The following DOCK11 variants were observed in gnomAD, a reference collection of about 807,000 sequenced individuals.
The protein encoded by DOCK11 is dedicator of cytokinesis protein 11.
In DOCK11, 70 loss-of-function variants were observed where a neutral mutation model predicts 169.1. The observed-to-expected ratio is 0.41, with a 90% confidence interval of 0.34 to 0.51. The LOEUF (loss-of-function observed/expected upper bound fraction) is 0.51, where lower values mean the gene tolerates loss of function less well. Among genes scored for constraint, DOCK11 ranks in the 20% least tolerant of loss-of-function variants. DOCK11 has a pLI of 0.10. For synonymous variants in DOCK11, 529 were observed against 541.3 expected (o/e 0.98, Z 0.32); for missense variants, 1,166 against 1,538.8 (o/e 0.76, Z 4.05).
chrX:118,496,363 G>C (rs775442973), intron 1 of DOCK11, among the ~76,000 whole-genome samples: 1 of 112,128 alleles, frequency 8.9e-6, no homozygotes, highest in Non-Finnish European at 1.9e-5. Context: ...TCCCACCCAG[G>C]GTCGGGGCCG....
At position 118,681,682 on chromosome X, in the gene DOCK11, A is replaced by G. The variant is rs772599240; in HGVS notation, c.5863-12A>G. 35 of 1,118,808 alleles carry G rather than the reference A, an allele frequency of 3.1e-5. No individual in the cohort carries two copies. In the Admixed American group the frequency reaches 8.7e-4, roughly 28 times the overall value. The allele number at this position is 1,118,808 out of a possible 1,213,427, so 92.2% of individuals were successfully genotyped here. ...CTGGAAACACTCTCATTTTTCTTCT[A>G]TTGTGATATAGGTCAATGCTGGTCC... On this transcript the variant is annotated splice_polypyrimidine_tract_variant and intron_variant, in intron 50 of 52. Transcript: ENST00000276202.
intron 31 of DOCK11, among the ~76,000 whole-genome samples, chrX:118,621,780 C>T (rs764545348): frequency 3.6e-5 from 4 of 111,088 alleles, no homozygotes; most frequent in South Asian, 7.6e-4. Context: ...ATTACAGGCA[C>T]GCACTGCTAT....
Position 118,678,773 on chromosome X carries a change from G to A in DOCK11, c.5461-1709G>A, listed in dbSNP as rs186382331. Among the ~76,000 whole-genome samples, 5 of 106,951 alleles carry A rather than the reference G, an allele frequency of 4.7e-5. No homozygotes were observed. In the East Asian group the frequency reaches 9.0e-4, roughly 19 times the overall value. The allele number at this position is 106,951 out of a possible 115,157, so 92.9% of individuals were successfully genotyped here. A position where few individuals can be genotyped will look rare whatever the true frequency, so the allele number is the denominator to read the frequency against. ...CAGGCCTGAGCCACCACGCCTGGCC[G>A]CTTTTAATTTTTTTCGAGACAGGGT... On this transcript the variant is annotated intron_variant, in intron 48 of 52. Transcript: ENST00000276202.
intron 1 of DOCK11, among the ~76,000 whole-genome samples, chrX:118,527,020 C>T (rs764088553): frequency 4.5e-5 from 5 of 112,200 alleles, no homozygotes; most frequent in Middle Eastern, 4.6e-3. Flanking sequence ...CAGGAGGCCA[C>T]ATAATCACTC....
Position 118,496,023 on chromosome X carries a change from G to T in DOCK11, c.52G>T (p.Ala18Ser). 9.1e-7 allele frequency: 1 copy of T among 1,097,165 alleles called. No homozygotes were observed. Among genetic ancestry groups the T allele is most frequent in the Non-Finnish European group, 1.2e-6 (1 of 844,079 alleles). 90.4% of individuals were successfully genotyped at this position (1,097,165 alleles called of 1,213,427 possible). A position where few individuals can be genotyped will look rare whatever the true frequency, so the allele number is the denominator to read the frequency against. ...ACGGCTCAGCAAGCCTGGCACGGCGGCTGAGCTCCGGCAGAGCGTGTCTGA... is the reference window on the plus strand; with the variant it reads ...ACGGCTCAGCAAGCCTGGCACGGCGTCTGAGCTCCGGCAGAGCGTGTCTGA... ...TKRLSKPGTA[A>S]ELRQSVSEAV... Residue 18 changes from alanine (A) to serine (S), a missense_variant, in exon 1 of 53, where the codon GCT becomes TCT. By Grantham distance (99) the Ala-to-Ser change is moderately conservative (BLOSUM62 1). Transcript: ENST00000276202.
chrX:118,581,805 TAAAAAA>T (rs35095116), intron 14 of DOCK11, among the ~76,000 whole-genome samples: 3 of 12,744 alleles, frequency 2.4e-4, no homozygotes, highest in Admixed American at 1.2e-3. Context: ...CTCCGTCTCC[TAAAAAA>T]AAAAAAAAAA....
chrX:118,503,742 C>T (rs1399434033), intron 1 of DOCK11, among the ~76,000 whole-genome samples: 7 of 110,829 alleles, frequency 6.3e-5, no homozygotes, highest in East Asian at 2.8e-4. Context: ...GAAGAAGAGC[C>T]AGGAAAAGGC....
At chrX:118,594,881 G>T (rs746657446) in intron 20 of DOCK11, among the ~76,000 whole-genome samples, 72 of 110,433 alleles carry the variant, frequency 6.5e-4, no homozygotes, top group Admixed American at 1.3e-3. Context: ...GGATTATGGG[G>T]TGAAGGAACA....
chrX:118,675,952 A>G lies in DOCK11; in HGVS notation c.5216A>G (p.Tyr1739Cys). 10 of 1,173,233 alleles carry G rather than the reference A, an allele frequency of 8.5e-6. No homozygotes were observed. The highest frequency in any genetic ancestry group is 1.1e-5 in the Non-Finnish European group (10 of 874,627). Residue 1739 changes from tyrosine (Y) to cysteine (C), a missense_variant, in exon 47 of 53, where the codon TAT becomes TGT. Physicochemically the swap from Tyr to Cys is radical, Grantham distance 194. Transcript: ENST00000276202. ...ATTTTTCAGAAACTTACTCAAGTTT[A>G]TAGAACTCTTCATGGAGCTTACACA... Reference protein sequence around the residue: ...RREFEKLTQVYRTLHGAYTKI... With the variant: ...RREFEKLTQVCRTLHGAYTKI...
chrX:118,503,074 C>CTTTTTTTTTTTTTTT lies in DOCK11; in HGVS notation c.102+7003_102+7017dup, dbSNP rs767017269. Among the ~76,000 whole-genome samples, 3 of 90,789 alleles carry CTTTTTTTTTTTTTTT rather than the reference C, an allele frequency of 3.3e-5. 1 individual carries two copies. Among genetic ancestry groups the CTTTTTTTTTTTTTTT allele is most frequent in the Non-Finnish European group, 6.4e-5 (3 of 47,094 alleles). The allele number at this position is 90,789 out of a possible 115,157, so 78.8% of individuals were successfully genotyped here. A position where few individuals can be genotyped will look rare whatever the true frequency, so the allele number is the denominator to read the frequency against. On this transcript the variant is annotated intron_variant, in intron 1 of 52. Coordinates refer to ENST00000276202, the MANE Select transcript of DOCK11 (RefSeq NM_144658.4). Reference sequence around the variant, plus strand: ...TAGTTCTGGAGAGAGATAACAAAGGCTTTTTTTTTTTTTTTTGAAATGGAG... The same window carrying CTTTTTTTTTTTTTTT: ...TAGTTCTGGAGAGAGATAACAAAGGCTTTTTTTTTTTTTTTTTTTTTTTTTTTTTTTGAAATGGAG...
chrX:118,578,316 A>T (rs1219976837), intron 12 of DOCK11, among the ~76,000 whole-genome samples: 1 of 111,765 alleles, frequency 8.9e-6, no homozygotes, highest in Non-Finnish European at 1.9e-5. Context: ...AGACTAACAG[A>T]TGTGAGGTTG....
rs1378186421 is a variant in DOCK11 at position 118,630,453 on chromosome X, G to T, written c.3849G>T (p.Leu1283=). Residue 1283 remains leucine (L), a synonymous_variant, in exon 35 of 53, where the codon CTG becomes CTT. Transcript: ENST00000276202. Reference sequence around the variant, plus strand: ...ATCAGTATGAAATCAGAAGCCTCCTGATGTGCTACCTGTATATAGTAAAAA... The same window carrying T: ...ATCAGTATGAAATCAGAAGCCTCCTTATGTGCTACCTGTATATAGTAAAAA... The part of the protein sequence containing the change: ...RLDQYEIRSL[L]MCYLYIVKMI... The T allele has an allele frequency of 8.3e-7, 1 of 1,207,203 alleles. No individual in the cohort carries two copies. The highest frequency in any genetic ancestry group is 1.1e-6 in the Non-Finnish European group (1 of 891,788).
At chrX:118,569,999 T>C (rs1430184947) in intron 10 of DOCK11, among the ~76,000 whole-genome samples, 4 of 112,023 alleles carry the variant, frequency 3.6e-5, no homozygotes, top group Non-Finnish European at 3.8e-5. Context: ...TATGTCTGAG[T>C]TGTTTATCAG....
intron 35 of DOCK11, among the ~76,000 whole-genome samples, chrX:118,631,800 A>G (rs1474291922): frequency 9.0e-6 from 1 of 111,020 alleles, no homozygotes; most frequent in Non-Finnish European, 1.9e-5. Flanking sequence ...GGAAAGAGAG[A>G]GAAGGTAGGA....
At chrX:118,656,922 A>G (rs1018814720) in intron 44 of DOCK11, among the ~76,000 whole-genome samples, 3 of 111,483 alleles carry the variant, frequency 2.7e-5, no homozygotes, top group African/African-American at 9.7e-5. Context: ...ATGAGAACAA[A>G]ACTCCATCTA....
chrX:118,534,234 G>A (rs1442542551), intron 1 of DOCK11, among the ~76,000 whole-genome samples: 2 of 111,821 alleles, frequency 1.8e-5, no homozygotes, highest in East Asian at 5.6e-4. Flanking sequence ...GTAAAGTTTT[G>A]GCTAAATTGA....
chrX:118,553,346 T>A (rs746185171), intron 6 of DOCK11, among the ~76,000 whole-genome samples: 1 of 112,082 alleles, frequency 8.9e-6, no homozygotes, highest in East Asian at 2.8e-4. Context: ...AGGAATTTAA[T>A]CTTCAGGGTG....
intron 10 of DOCK11, among the ~76,000 whole-genome samples, chrX:118,571,474 C>T (rs1400433709): frequency 9.1e-6 from 1 of 110,173 alleles, no homozygotes; most frequent in East Asian, 2.8e-4. Flanking sequence ...CCTCAGCCTC[C>T]CGAATAACCA....
At chrX:118,599,362 A>G in intron 23 of DOCK11, 134 bp downstream of exon 23, 2 of 476,933 alleles carry the variant, frequency 4.2e-6, no homozygotes, top group Non-Finnish European at 7.1e-6. Flanking sequence ...AATACTTTCT[A>G]TGATGTATTT....
Sources: gnomAD v4.1 joint callset for allele counts (sites outside exome capture counted in the v4.1 genomes callset) on GRCh38, gnomAD v4.1.1 for gene constraint, MANE v1.5 for transcripts, NCBI Gene and HGNC (gene_info 2026-07-23, HGNC 2026-07-21) for gene names.